The following ARHGEF3 variants were observed in gnomAD, a reference collection of about 807,000 sequenced individuals.
The protein encoded by ARHGEF3 is 59.8 kDA protein.
Under a neutral mutation model 63.2 loss-of-function variants are expected in ARHGEF3, and 28 were observed. The ratio of observed to expected loss-of-function variants is 0.44; its 90% CI spans 0.33 to 0.61. The LOEUF (loss-of-function observed/expected upper bound fraction) is 0.61, where lower values mean the gene tolerates loss of function less well. ARHGEF3 is among the 20% of genes least tolerant of loss of function. The pLI is 0.03. For synonymous variants in ARHGEF3, 266 were observed against 254.2 expected (o/e 1.05, Z -0.44); for missense variants, 533 against 659.3 (o/e 0.81, Z 2.10).
At chr3:56,768,069 A>T (rs1038938133) in intron 2 of ARHGEF3, among the ~76,000 whole-genome samples, 5 of 151,562 alleles carry the variant, frequency 3.3e-5, no homozygotes, top group South Asian at 2.1e-4. Flanking sequence ...ATATATATAT[A>T]TTTTTGAGAC....
chr3:56,978,190 A>T (rs538142003), intron 2 of ARHGEF3, among the ~76,000 whole-genome samples: 2 of 152,366 alleles, frequency 1.3e-5, no homozygotes, highest in African/African-American at 4.8e-5. Context: ...ATGTCACTGG[A>T]CAAAACACCT....
At chr3:56,885,130 C>G (rs2040878248) in intron 3 of ARHGEF3, among the ~76,000 whole-genome samples, 1 of 152,168 alleles carries the variant, frequency 6.6e-6, no homozygotes, top group African/African-American at 2.4e-5. Context: ...ATCAGCAACA[C>G]GTGCTGGGCA....
chr3:56,729,308 AAG>A lies in ARHGEF3; in HGVS notation c.1541_1542del (p.Ser514PhefsTer9). The A allele has an allele frequency of 6.2e-7, 1 of 1,613,984 alleles. No homozygotes were observed. Among genetic ancestry groups the A allele is most frequent in the Non-Finnish European group, 8.5e-7 (1 of 1,179,922 alleles). On this transcript the variant is annotated frameshift_variant, in exon 10 of 10. Coordinates refer to ENST00000296315, the MANE Select transcript of ARHGEF3 (RefSeq NM_019555.3). LOFTEE classifies it high-confidence loss of function. ...TCACCGTGCCTGCTGTTTCCACAGG[AAG>A]AGTCTGTCTGTTCCATGCGCTCACA... ...LDCERMEQTD[S>X]SCGNSRHGES...
intron 1 of ARHGEF3, among the ~76,000 whole-genome samples, chr3:57,046,878 T>G (rs957416366): frequency 6.6e-6 from 1 of 152,244 alleles, no homozygotes. Flanking sequence ...AAACTGCTGT[T>G]TTTCTCTTTT....
At chr3:57,018,893 A>G (rs1703131029) in intron 2 of ARHGEF3, among the ~76,000 whole-genome samples, 1 of 152,184 alleles carries the variant, frequency 6.6e-6, no homozygotes, top group African/African-American at 2.4e-5. Flanking sequence ...TCATAAAACA[A>G]AGAAGGAATT....
chr3:56,862,121 C>G (rs1024193405), intron 4 of ARHGEF3, among the ~76,000 whole-genome samples: 1 of 150,484 alleles, frequency 6.6e-6, no homozygotes, highest in African/African-American at 2.4e-5. Flanking sequence ...CACCCACCCA[C>G]CTTTTGGGAC....
intron 2 of ARHGEF3, among the ~76,000 whole-genome samples, chr3:57,023,577 G>A (rs910555740): frequency 6.6e-6 from 1 of 151,936 alleles, no homozygotes; most frequent in Non-Finnish European, 1.5e-5. Context: ...TACTACCAAG[G>A]CCAAGAGGAC....
intron 3 of ARHGEF3, among the ~76,000 whole-genome samples, chr3:56,914,838 T>C (rs562628719): frequency 6.6e-6 from 1 of 152,026 alleles, no homozygotes; most frequent in East Asian, 1.9e-4. Context: ...TGCCAGGGGA[T>C]GGGGGAGGGA....
intron 2 of ARHGEF3, among the ~76,000 whole-genome samples, chr3:57,006,833 C>T (rs191068221): frequency 2.6e-5 from 4 of 152,292 alleles, no homozygotes; most frequent in Middle Eastern, 6.8e-3. Context: ...GGGCCCTAAG[C>T]GCCACAGGAG....
At chr3:56,951,060 A>C (rs1266644792) in intron 3 of ARHGEF3, among the ~76,000 whole-genome samples, 3 of 151,880 alleles carry the variant, frequency 2.0e-5, no homozygotes, top group Admixed American at 6.5e-5. Context: ...GTTCTCACTC[A>C]TAGGTGGGAA....
intron 3 of ARHGEF3, among the ~76,000 whole-genome samples, chr3:56,885,719 C>A (rs767021832): frequency 4.6e-5 from 7 of 152,126 alleles, no homozygotes; most frequent in Non-Finnish European, 1.0e-4. Flanking sequence ...CAAATGGCCT[C>A]CAATGGTCTT....
At chr3:57,050,461 A>G (rs1194948515) in intron 1 of ARHGEF3, among the ~76,000 whole-genome samples, 1 of 152,230 alleles carries the variant, frequency 6.6e-6, no homozygotes. Context: ...CAGGGCACAC[A>G]GTACAGGGGT....
chr3:56,757,428 C>A, intron 2 of ARHGEF3, among the ~76,000 whole-genome samples: 1 of 151,670 alleles, frequency 6.6e-6, no homozygotes, highest in Non-Finnish European at 1.5e-5. Context: ...GAGCCAAGAT[C>A]GTGCCACTGC....
intron 2 of ARHGEF3, among the ~76,000 whole-genome samples, chr3:57,009,128 G>A (rs191657821): frequency 1.3e-5 from 2 of 152,348 alleles, no homozygotes; most frequent in East Asian, 1.9e-4. Flanking sequence ...GGCCCTGTGA[G>A]CCTCAAGTTT....
At chr3:57,036,476 G>A (rs1703967098) in intron 1 of ARHGEF3, among the ~76,000 whole-genome samples, 1 of 152,102 alleles carries the variant, frequency 6.6e-6, no homozygotes, top group Non-Finnish European at 1.5e-5. Flanking sequence ...CCACTATTTC[G>A]CTTCCTGAAC....
At chr3:56,985,401 G>A (rs1297056690) in intron 2 of ARHGEF3, among the ~76,000 whole-genome samples, 2 of 152,212 alleles carry the variant, frequency 1.3e-5, no homozygotes. Flanking sequence ...TAAAACACAG[G>A]ATTTTAAATT....
intron 4 of ARHGEF3, among the ~76,000 whole-genome samples, chr3:56,826,788 C>G (rs6776840): frequency 0.61 from 92,654 of 151,974 alleles, 28,462 homozygotes; most frequent in Non-Finnish European, 0.63. Flanking sequence ...CTGTGAAGAA[C>G]TCACTGCTTG....
intron 3 of ARHGEF3, among the ~76,000 whole-genome samples, chr3:56,885,448 T>C (rs1288598113): frequency 6.6e-6 from 1 of 152,196 alleles, no homozygotes; most frequent in African/African-American, 2.4e-5. Context: ...CAACCTGGTA[T>C]TACCAGATTA....
intron 4 of ARHGEF3, among the ~76,000 whole-genome samples, chr3:56,856,019 C>A (rs1364747445): frequency 6.6e-6 from 1 of 152,176 alleles, no homozygotes; most frequent in Non-Finnish European, 1.5e-5. Context: ...CATTGTTTTA[C>A]TCTCAAAGGA....
Sources: gnomAD v4.1 joint callset for allele counts (sites outside exome capture counted in the v4.1 genomes callset) on GRCh38, gnomAD v4.1.1 for gene constraint, MANE v1.5 for transcripts, NCBI Gene and HGNC (gene_info 2026-07-23, HGNC 2026-07-21) for gene names.